The following ADAMTS17 variants were observed in gnomAD, a reference collection of about 807,000 sequenced individuals.
ADAMTS17 encodes the protein ADAM metallopeptidase with thrombospondin type 1 motif 17.
A neutral mutation model predicts 141.5 loss-of-function variants in ADAMTS17; 113 were observed. The ratio of observed to expected loss-of-function variants is 0.80; its 90% CI spans 0.69 to 0.93. The LOEUF is 0.93. Among genes scored for constraint, ADAMTS17 ranks in the 40% least tolerant of loss-of-function variants. The probability of loss-of-function intolerance (pLI) is 0.00; values close to 1 mark genes in which losing one functional copy is unlikely to be tolerated. For missense variants in ADAMTS17, 1,659 were observed against 1,517.9 expected (o/e 1.09, Z -1.54); for synonymous variants, 768 against 630.6 (o/e 1.22, Z -3.27).
chr15:100,087,279 C>T (rs977672071), intron 15 of ADAMTS17, among the ~76,000 whole-genome samples: 16 of 152,278 alleles, frequency 1.1e-4, no homozygotes, highest in Non-Finnish European at 1.5e-4. Flanking sequence ...CCTCCCAAGA[C>T]GAAACCAGGA....
intron 18 of ADAMTS17, among the ~76,000 whole-genome samples, chr15:100,031,117 T>C (rs1307519151): frequency 6.6e-6 from 1 of 152,210 alleles, no homozygotes; most frequent in African/African-American, 2.4e-5. Flanking sequence ...GGCAAGATCA[T>C]GTAACTTGCC....
chr15:100,311,328 G>A (rs1248888317), intron 3 of ADAMTS17, among the ~76,000 whole-genome samples: 1 of 152,200 alleles, frequency 6.6e-6, no homozygotes, highest in East Asian at 1.9e-4. Context: ...CAGCACCGAG[G>A]CCATGCGCTC....
At chr15:99,984,631 C>T (rs769538486) in intron 20 of ADAMTS17, among the ~76,000 whole-genome samples, 10 of 152,220 alleles carry the variant, frequency 6.6e-5, no homozygotes, top group African/African-American at 9.6e-5. Flanking sequence ...ACTCCTCAAT[C>T]AGCCCTATGA....
intron 18 of ADAMTS17, among the ~76,000 whole-genome samples, chr15:100,028,162 G>C (rs2029863845): frequency 6.6e-6 from 1 of 152,124 alleles, no homozygotes; most frequent in African/African-American, 2.4e-5. Flanking sequence ...CTGCTGACCT[G>C]ACCCACCACC....
chr15:100,198,298 AC>A (rs2041196759), intron 8 of ADAMTS17, among the ~76,000 whole-genome samples: 1 of 152,294 alleles, frequency 6.6e-6, no homozygotes, highest in Admixed American at 6.5e-5. Context: ...TCATAAAAAA[AC>A]AAACAAACAA....
chr15:100,322,349 C>T (rs1650648894), intron 3 of ADAMTS17, among the ~76,000 whole-genome samples: 1 of 152,184 alleles, frequency 6.6e-6, no homozygotes, highest in African/African-American at 2.4e-5. Flanking sequence ...CTACCCAACT[C>T]TCAGGATGAT....
rs1479135750 is a variant in ADAMTS17, at chr15:100,251,136, T to C, written c.1075+3000A>G. On this transcript the variant is annotated intron_variant, in intron 7 of 21. Transcript: ENST00000268070. The stretch of plus-strand genomic sequence containing the variant: ...TTGGAGAAGCTGAAAATCACTGAGG[T>C]ATTAGAAAGAACACGTACTGGGGAT... 3.3e-5 allele frequency among the ~76,000 whole-genome samples: 5 copies of C among 151,986 alleles called. No homozygotes were observed. In the South Asian group the frequency reaches 1.0e-3, roughly 32 times the overall value.
intron 18 of ADAMTS17, among the ~76,000 whole-genome samples, chr15:100,040,042 C>T (rs895393764): frequency 1.3e-5 from 2 of 152,110 alleles, no homozygotes; most frequent in Non-Finnish European, 2.9e-5. Flanking sequence ...ATAACTTTTT[C>T]CATCTTTTTA....
At chr15:100,163,382 C>T (rs917520881) in intron 8 of ADAMTS17, among the ~76,000 whole-genome samples, 6 of 152,156 alleles carry the variant, frequency 3.9e-5, no homozygotes, top group African/African-American at 1.4e-4. Context: ...TTTCTTGCTG[C>T]AAGCACCACC....
intron 6 of ADAMTS17, chr15:100,256,746 C>G (rs1018988467): frequency 3.9e-5 from 6 of 152,548 alleles, no homozygotes; most frequent in Non-Finnish European, 5.9e-5. Context: ...AGAGCACAGG[C>G]CCAGGCTCGA....
intron 8 of ADAMTS17, among the ~76,000 whole-genome samples, chr15:100,161,977 G>T (rs148167982): frequency 5.3e-5 from 8 of 152,148 alleles, no homozygotes; most frequent in Admixed American, 5.2e-4. Context: ...ACTGGGGGTC[G>T]CCATAGATTT....
At chr15:100,323,200 CTG>C (rs147513739) in intron 3 of ADAMTS17, among the ~76,000 whole-genome samples, 15,876 of 151,932 alleles carry the variant, frequency 0.1, 897 homozygotes, top group African/African-American at 0.12. Context: ...CTGCCACATG[CTG>C]TGTTTACATA....
chr15:100,233,878 C>T (rs901649644), intron 7 of ADAMTS17, among the ~76,000 whole-genome samples: 4 of 151,976 alleles, frequency 2.6e-5, no homozygotes, highest in African/African-American at 9.7e-5. Context: ...GAGTGAGCAC[C>T]AGGAAGAGAG....
At chr15:100,334,005 T>C (rs921604899) in intron 2 of ADAMTS17, among the ~76,000 whole-genome samples, 6 of 152,238 alleles carry the variant, frequency 3.9e-5, no homozygotes, top group Non-Finnish European at 5.9e-5. Context: ...ATACTATAAG[T>C]GTGGCTCAAA....
intron 2 of ADAMTS17, among the ~76,000 whole-genome samples, chr15:100,331,972 GAT>G (rs2046066959): frequency 1.7e-5 from 2 of 115,688 alleles, no homozygotes; most frequent in South Asian, 4.6e-4. Flanking sequence ...AGCCAAATGA[GAT>G]AGACCCCAGC....
At chr15:100,085,337 A>G (rs2035028285) in intron 15 of ADAMTS17, among the ~76,000 whole-genome samples, 1 of 146,424 alleles carries the variant, frequency 6.8e-6, no homozygotes, top group South Asian at 2.1e-4. Context: ...GAAATATGGG[A>G]CTATGTGAAA....
chr15:100,175,825 T>A (rs1202020038), intron 8 of ADAMTS17, among the ~76,000 whole-genome samples: 2 of 151,918 alleles, frequency 1.3e-5, no homozygotes, highest in Non-Finnish European at 2.9e-5. Flanking sequence ...CTTGGCAAGA[T>A]TCCACGTCTT....
chr15:100,297,843 T>C (rs984805030), intron 3 of ADAMTS17, among the ~76,000 whole-genome samples: 5 of 152,064 alleles, frequency 3.3e-5, no homozygotes, highest in African/African-American at 1.2e-4. Flanking sequence ...CATGGCTAGA[T>C]AGAAGAGATG....
At chr15:100,275,424 T>A (rs2044048764) in intron 4 of ADAMTS17, among the ~76,000 whole-genome samples, 2 of 152,174 alleles carry the variant, frequency 1.3e-5, no homozygotes, top group South Asian at 4.1e-4. Context: ...GTAGCAAGGA[T>A]TCAAGGGGGA....
Sources: allele counts gnomAD v4.1 joint callset (sites outside exome capture counted in the v4.1 genomes callset), GRCh38; gene constraint gnomAD v4.1.1; transcripts MANE v1.5; gene names NCBI Gene and HGNC (gene_info 2026-07-23, HGNC 2026-07-21).